Variants in PKP1 observed in about 807,000 individuals in gnomAD.
PKP1 encodes the protein plakophilin-1.
Under a neutral mutation model 76.4 loss-of-function variants are expected in PKP1, and 27 were observed. That is an observed-to-expected ratio of 0.35 (90% CI 0.26 to 0.49). The LOEUF (loss-of-function observed/expected upper bound fraction) is 0.49, where lower values mean the gene tolerates loss of function less well. Ranked by LOEUF, PKP1 falls within the 20% of genes least tolerant of loss-of-function variation. The pLI is 0.99. For missense variants in PKP1, 964 were observed against 955.2 expected, an observed-to-expected ratio of 1.01 and a Z score of -0.12; for synonymous variants, 404 against 384.2, an observed-to-expected ratio of 1.05 and a Z score of -0.60.
At chr1:201,323,872 C>G (rs1001043605) in intron 9 of PKP1, among the ~76,000 whole-genome samples, 1 of 152,142 alleles carries the variant, frequency 6.6e-6, no homozygotes, top group Non-Finnish European at 1.5e-5. Context: ...AGCTATGTTG[C>G]TTAGAGGCCT....
At chr1:201,295,887 G>A (rs202153100) in intron 2 of PKP1, among the ~76,000 whole-genome samples, 3 of 150,720 alleles carry the variant, frequency 2.0e-5, no homozygotes, top group African/African-American at 2.4e-5. Flanking sequence ...TGTTTCTAAA[G>A]AAAAAAAAAA....
At chr1:201,324,914 C>T (rs957654242) in intron 10 of PKP1, 27 bp from the exon 11 acceptor site, 1 of 1,607,996 alleles carries the variant, frequency 6.2e-7, no homozygotes, top group Non-Finnish European at 8.5e-7. Context: ...CATCCTGACC[C>T]TGTGCCCCAA....
At chr1:201,316,787 T>C (rs1656765289) in intron 4 of PKP1, 90 bp downstream of exon 4, 2 of 1,418,084 alleles carry the variant, frequency 1.4e-6, no homozygotes, top group Non-Finnish European at 2.0e-6. Flanking sequence ...GGTGAGGGCA[T>C]CTGCAGTTGG....
intron 1 of PKP1, among the ~76,000 whole-genome samples, chr1:201,289,688 GCACACACACACACA>G (rs3057891): frequency 3.3e-4 from 48 of 145,048 alleles, no homozygotes; most frequent in African/African-American, 1.2e-3. Flanking sequence ...TGGGAGGAGT[GCACACACACACACA>G]CACACACACA....
At chr1:201,322,877 G>C in intron 8 of PKP1, 136 bp from the exon 9 acceptor site, 2 of 847,884 alleles carry the variant, frequency 2.4e-6, no homozygotes, top group East Asian at 4.9e-5. Context: ...TGGGCCCCCT[G>C]CCTCTGCAGG....
intron 2 of PKP1, among the ~76,000 whole-genome samples, chr1:201,296,050 C>G (rs867219637): frequency 2.0e-5 from 3 of 152,172 alleles, no homozygotes; most frequent in Non-Finnish European, 4.4e-5. Context: ...TTCTCCCCAC[C>G]CTAAGACCCA....
chr1:201,293,389 C>T (rs754099859), intron 1 of PKP1, among the ~76,000 whole-genome samples: 14 of 152,176 alleles, frequency 9.2e-5, no homozygotes, highest in Non-Finnish European at 1.5e-4. Flanking sequence ...TGAGGTTGAT[C>T]GCCGCTCCCC....
In PKP1 at chr1:201,328,766, G is replaced by A; in HGVS notation, c.2111G>A (p.Gly704Asp). ...KELQGVLRQQGFDRNMLGTLA... is the reference protein window; with the variant it reads ...KELQGVLRQQDFDRNMLGTLA... ...TTGCTGTTTCTCCCTTTGCAGCAAG[G>A]TTTCGATAGGAACATGCTGGGAACC... The change falls in exon 13 of 14, where the codon GGT becomes GAT. Residue 704 changes from glycine (G) to aspartate (D), a missense_variant. Gly to Asp is a moderately conservative substitution (Grantham distance 94). Coordinates refer to ENST00000367324, the MANE Select transcript of PKP1 (RefSeq NM_001005337.3). 6.2e-7 allele frequency: 1 copy of A among 1,614,104 alleles called. No homozygotes were observed. Among genetic ancestry groups the A allele is most frequent in the African/African-American group, 1.3e-5 (1 of 75,036 alleles).
At chr1:201,295,424 A>G (rs1251903155) in intron 2 of PKP1, among the ~76,000 whole-genome samples, 2 of 152,214 alleles carry the variant, frequency 1.3e-5, no homozygotes, top group Non-Finnish European at 2.9e-5. Context: ...CAGCACACTG[A>G]GCCCGGTAAA....
chr1:201,325,697 G>A (rs1379462748), intron 11 of PKP1, 57 bp from the exon 12 acceptor site: 5 of 1,303,240 alleles, frequency 3.8e-6, no homozygotes, highest in African/African-American at 1.5e-5. Context: ...GGAAGAGGGT[G>A]CTCCTTCTCA....
At chr1:201,320,426 C>A in intron 7 of PKP1, 45 bp downstream of exon 7, 1 of 1,293,378 alleles carries the variant, frequency 7.7e-7, no homozygotes, top group East Asian at 2.3e-5. Context: ...GGCCCAGCCC[C>A]CTACATTTTC....
At chr1:201,307,762 C>A (rs922948872) in intron 2 of PKP1, among the ~76,000 whole-genome samples, 3 of 152,214 alleles carry the variant, frequency 2.0e-5, no homozygotes, top group Non-Finnish European at 4.4e-5. Context: ...GCAAATGGAA[C>A]CTGTCTTTGA....
chr1:201,329,541 C>A (rs1361904), intron 13 of PKP1, among the ~76,000 whole-genome samples: 1 of 152,054 alleles, frequency 6.6e-6, no homozygotes, highest in Non-Finnish European at 1.5e-5. Context: ...TAGAGATACT[C>A]CAGCCAGATG....
At chr1:201,317,838 GC>G in intron 5 of PKP1, 59 bp downstream of exon 5, 1 of 1,505,924 alleles carries the variant, frequency 6.6e-7, no homozygotes, top group Non-Finnish European at 9.1e-7. Context: ...ACTGGCTATG[GC>G]CCCAGGCTGG....
rs767009885 is a variant in PKP1 at position 201,313,450 on chromosome 1, G to C, written c.591G>C (p.Lys197Asn). 6.2e-7 allele frequency: 1 copy of C among 1,608,302 alleles called. No individual in the cohort carries two copies. Among genetic ancestry groups the C allele is most frequent in the Non-Finnish European group, 8.5e-7 (1 of 1,177,608 alleles). Reference protein sequence around the residue: ...YSTCSGQKAIKKCPVRPPSCA... With the variant: ...YSTCSGQKAINKCPVRPPSCA... ...CCTGCAGTGGTCAGAAGGCCATAAA[G>C]AAGTGCCCTGTGCGCCCGCCCTCTT... Residue 197 changes from lysine to asparagine, a missense_variant, in exon 3 of 14, where the codon AAG (lysine) becomes AAC (asparagine). Physicochemically the swap from Lys to Asn is moderately conservative, Grantham distance 94. Coordinates refer to ENST00000367324, the MANE Select transcript of PKP1 (RefSeq NM_001005337.3).
At chr1:201,300,667 T>C (rs1656202311) in intron 2 of PKP1, among the ~76,000 whole-genome samples, 1 of 152,224 alleles carries the variant, frequency 6.6e-6, no homozygotes, top group Non-Finnish European at 1.5e-5. Flanking sequence ...GACCACCTCC[T>C]TGTAACTCTG....
chr1:201,324,305 T>C (rs1657040577), intron 9 of PKP1, 123 bp from the exon 10 acceptor site: 1 of 982,324 alleles, frequency 1.0e-6, no homozygotes, highest in African/African-American at 1.6e-5. Context: ...TGTGAGCTAG[T>C]GCTTCCAATA....
At position 201,324,624 on chromosome 1, in the gene PKP1, AG is replaced by A. The variant is rs757486882; in HGVS notation, c.1834+45del. The A allele has an allele frequency of 2.2e-5, 35 of 1,608,232 alleles. No homozygotes were observed. In the Admixed American group the frequency reaches 3.7e-4, roughly 17 times the overall value. ...CCTCCCCCTCTAGCTAAGACATGGC[AG>A]GCTCCCTACAATTCAAGCCTGCTTG... On this transcript the variant is annotated intron_variant, in intron 10 of 13. Coordinates refer to ENST00000367324, the MANE Select transcript of PKP1 (RefSeq NM_001005337.3).
In PKP1 at chr1:201,294,005, A is replaced by T. The variant is rs1364739266; in HGVS notation, c.266A>T (p.Tyr89Phe). The part of the protein sequence containing the change: ...NYGTTSRSSY[Y>F]SKFQAGNGSW... ...GGGACCACCAGCAGGAGCAGCTACTACTCCAAGTTCCAGGCAGGGAATGGC... is the reference window on the plus strand; with the variant it reads ...GGGACCACCAGCAGGAGCAGCTACTTCTCCAAGTTCCAGGCAGGGAATGGC... The change falls in exon 2 of 14, where the codon TAC becomes TTC. Residue 89 changes from tyrosine (Y) to phenylalanine (F), a missense_variant. Physicochemically the swap from Tyr to Phe is conservative, Grantham distance 22 (BLOSUM62 3). Transcript: ENST00000367324. 6.2e-7 allele frequency: 1 copy of T among 1,613,666 alleles called. No individual in the cohort carries two copies. Among genetic ancestry groups the T allele is most frequent in the East Asian group, 2.2e-5 (1 of 44,860 alleles).
Sources: gnomAD v4.1 joint callset for allele counts (sites outside exome capture counted in the v4.1 genomes callset) on GRCh38, gnomAD v4.1.1 for gene constraint, MANE v1.5 for transcripts, NCBI Gene and HGNC (gene_info 2026-07-23, HGNC 2026-07-21) for gene names.